HMGCS2: variants seen among roughly 807,000 people sequenced by gnomAD.
HMGCS2 encodes hydroxymethylglutaryl-CoA synthase, mitochondrial.
HMGCS2 carries 50 observed loss-of-function variants against 57.4 expected under a neutral mutation model. The observed-to-expected ratio is 0.87, with a 90% CI of 0.69 to 1.10. HMGCS2 has a LOEUF of 1.10. Among genes scored for constraint, HMGCS2 ranks in the 50% least tolerant of loss-of-function variants. The probability of loss-of-function intolerance (pLI) is 0.00; values close to 1 mark genes in which losing one functional copy is unlikely to be tolerated. For synonymous variants in HMGCS2, 254 were observed against 245.1 expected (o/e 1.04, Z -0.34); for missense variants, 627 against 636.5 (o/e 0.99, Z 0.16).
intron 9 of HMGCS2, 128 bp downstream of exon 9, chr1:119,750,669 C>T (rs1652624240): frequency 1.4e-6 from 1 of 705,768 alleles, no homozygotes; most frequent in Non-Finnish European, 2.6e-6. Flanking sequence ...CCCATTTCTC[C>T]TGTCACCCCA....
chr1:119,768,699 A>G, intron 1 of HMGCS2, 42 bp downstream of exon 1: 1 of 1,428,620 alleles, frequency 7.0e-7, no homozygotes. Context: ...GGGAAAAACT[A>G]TCTTTTACTA....
chr1:119,755,275 T>G, intron 6 of HMGCS2, 152 bp downstream of exon 6: 2 of 808,218 alleles, frequency 2.5e-6, no homozygotes, highest in Non-Finnish European at 4.2e-6. Flanking sequence ...CCCCAAATGC[T>G]GAGATTACAG....
intron 3 of HMGCS2, chr1:119,759,500 CT>C: frequency 1.7e-6 from 1 of 605,312 alleles, no homozygotes; most frequent in South Asian, 1.9e-5. Context: ...CCTACATGGG[CT>C]TAACAAAACC....
In HMGCS2 at chr1:119,768,801, G is replaced by C. The variant is rs1008466802; in HGVS notation, c.44C>G (p.Thr15Arg). The change falls in exon 1 of 10, where the codon ACA becomes AGA. Residue 15 changes from threonine to arginine, a missense_variant. Physicochemically the swap from Thr to Arg is moderately conservative, Grantham distance 71 (BLOSUM62 -1). Coordinates refer to ENST00000369406, the MANE Select transcript of HMGCS2 (RefSeq NM_005518.4). Reference sequence around the variant, plus strand: ...GAGGGAGGTTTCCTGCACCGCTCTTGTCAGTTGCAGAATGCGCTTCACTGG... The same window carrying C: ...GAGGGAGGTTTCCTGCACCGCTCTTCTCAGTTGCAGAATGCGCTTCACTGG... The part of the protein sequence containing the change: ...LTPVKRILQL[T>R]RAVQETSLTP... The C allele has an allele frequency of 3.1e-6, 5 of 1,613,988 alleles. No individual in the cohort carries two copies. Among genetic ancestry groups the C allele is most frequent in the Non-Finnish European group, 4.2e-6 (5 of 1,179,986 alleles).
chr1:119,764,777 T>C (rs1193608306), intron 1 of HMGCS2, 151 bp from the exon 2 acceptor site: 4 of 692,772 alleles, frequency 5.8e-6, no homozygotes, highest in African/African-American at 3.5e-5. Flanking sequence ...TATCTTTTCA[T>C]TGAATTGACC....
chr1:119,759,874 G>A lies in HMGCS2; in HGVS notation c.675C>T (p.Ala225=), dbSNP rs2101263677. Residue 225 remains alanine (A), a synonymous_variant, in exon 3 of 10, where the codon GCC becomes GCT. Coordinates refer to ENST00000369406, the MANE Select transcript of HMGCS2 (RefSeq NM_005518.4). ...AMLIGPKAPL[A]LERGLRGTHM... is the part of the protein sequence containing the mutation. Reference sequence around the variant, plus strand: ...TGGATTACTACAAACCTCGCTCCAGGGCCAGAGGGGCCTTGGGCCCAATCA... The same window carrying A: ...TGGATTACTACAAACCTCGCTCCAGAGCCAGAGGGGCCTTGGGCCCAATCA... 6.2e-7 allele frequency: 1 copy of A among 1,614,098 alleles called. No individual in the cohort carries two copies. The highest frequency in any genetic ancestry group is 8.5e-7 in the Non-Finnish European group (1 of 1,179,994).
chr1:119,764,558 G>T lies in HMGCS2; in HGVS notation c.173C>A (p.Ala58Asp). ...DTWPKDVGIL[A>D]LEVYFPAQYV... ...TTGGGCTGGGAAGTAGACCTCCAGG[G>T]CCAGGATGCCCACGTCCTTTGGCCA... Residue 58 changes from alanine (A) to aspartate (D), a missense_variant, in exon 2 of 10, where the codon GCC becomes GAC. Ala to Asp is a moderately radical substitution (Grantham distance 126). Coordinates refer to ENST00000369406, the MANE Select transcript of HMGCS2 (RefSeq NM_005518.4). The T allele has an allele frequency of 3.1e-6, 5 of 1,614,202 alleles. No individual in the cohort carries two copies. The highest frequency in any genetic ancestry group is 4.2e-6 in the Non-Finnish European group (5 of 1,180,028).
At chr1:119,758,102 T>C (rs1461160093) in intron 4 of HMGCS2, among the ~76,000 whole-genome samples, 1 of 152,268 alleles carries the variant, frequency 6.6e-6, no homozygotes, top group Non-Finnish European at 1.5e-5. Context: ...TAGCTCTTTA[T>C]GACACCCCCA....
At position 119,764,480 on chromosome 1, in the gene HMGCS2, T is replaced by C. The variant is rs1162910493; in HGVS notation, c.251A>G (p.Tyr84Cys). Residue 84 changes from tyrosine to cysteine, a missense_variant, in exon 2 of 10, where the codon TAT (tyrosine) becomes TGT (cysteine). Physicochemically the swap from Tyr to Cys is radical, Grantham distance 194 (BLOSUM62 -2). Transcript: ENST00000369406. ...ACGGGTCTGGCCCAAGCCCACTGTA[T>C]ACTTTCCTGCTTCCACATTGTTATA... Reference protein sequence around the residue: ...EKYNNVEAGKYTVGLGQTRMG... With the variant: ...EKYNNVEAGKCTVGLGQTRMG... The C allele has an allele frequency of 6.2e-7, 1 of 1,612,692 alleles. No individual in the cohort carries two copies. Among genetic ancestry groups the C allele is most frequent in the South Asian group, 1.1e-5 (1 of 91,072 alleles).
chr1:119,748,916 G>A (rs587663717), intron 9 of HMGCS2, 75 bp from the exon 10 acceptor site: 3 of 152,408 alleles, frequency 2.0e-5, no homozygotes, highest in Non-Finnish European at 2.9e-5. Context: ...CTTCTTGCCC[G>A]AGGTGTGGCT....
rs751683757 is a variant in HMGCS2 at position 119,757,424 on chromosome 1, G to A, written c.865C>T (p.Pro289Ser). Residue 289 changes from proline (P) to serine (S), a missense_variant, in exon 5 of 10, where the codon CCC (proline) becomes TCC (serine). By Grantham distance (74) the Pro-to-Ser change is moderately conservative. Coordinates refer to ENST00000369406, the MANE Select transcript of HMGCS2 (RefSeq NM_005518.4). ...TACTGTAAATCGTCAAGGGTGAAGGGTCGATCGCTGCCAGCTGGAAGAGGA... is the reference window on the plus strand; with the variant it reads ...TACTGTAAATCGTCAAGGGTGAAGGATCGATCGCTGCCAGCTGGAAGAGGA... ...NQWKQAGSDR[P>S]FTLDDLQYMI... 8 of 1,613,988 alleles carry A rather than the reference G, an allele frequency of 5.0e-6. No individual in the cohort carries two copies. The South Asian group carries it at 8.8e-5, about 18-fold the overall frequency.
intron 4 of HMGCS2, among the ~76,000 whole-genome samples, chr1:119,758,705 G>A (rs935968228): frequency 5.3e-5 from 8 of 152,166 alleles, no homozygotes; most frequent in African/African-American, 1.7e-4. Flanking sequence ...GAAAATATAG[G>A]TATGATTTCT....
At chr1:119,756,682 TCA>T (rs1454713000) in intron 5 of HMGCS2, among the ~76,000 whole-genome samples, 1 of 152,256 alleles carries the variant, frequency 6.6e-6, no homozygotes, top group Non-Finnish European at 1.5e-5. Context: ...TTCTGCTTTT[TCA>T]CATCTAAGGG....
At chr1:119,754,732 TA>T in intron 6 of HMGCS2, among the ~76,000 whole-genome samples, 1 of 152,286 alleles carries the variant, frequency 6.6e-6, no homozygotes, top group South Asian at 2.1e-4. Context: ...AATAATTGGT[TA>T]AAAAAATTTG....
Position 119,764,368 on chromosome 1 carries a change from C to T in HMGCS2, c.363G>A (p.Trp121Ter). The T allele has an allele frequency of 6.2e-7, 1 of 1,614,236 alleles. No homozygotes were observed. The highest frequency in any genetic ancestry group is 8.5e-7 in the Non-Finnish European group (1 of 1,180,048). ...CTACTTCCAGCCTGCCCACAGAGTC[C>T]CATGGGAGCTGTATGCGCTCCATCA... ...QRLMERIQLP[W>*]DSVGRLEVGT... The change falls in exon 2 of 10, where the codon TGG becomes TGA. Residue 121 changes from tryptophan (W) to a stop codon, truncating the protein, a stop_gained. Coordinates refer to ENST00000369406, the MANE Select transcript of HMGCS2 (RefSeq NM_005518.4). LOFTEE classifies it high-confidence loss of function.
At chr1:119,764,103 A>C (rs1314628731) in intron 2 of HMGCS2, 69 bp downstream of exon 2, 4 of 1,456,238 alleles carry the variant, frequency 2.7e-6, no homozygotes, top group Non-Finnish European at 3.8e-6. Flanking sequence ...GGAACTGAAA[A>C]GCAAAACTGG....
At chr1:119,760,064 C>T (rs1003316248) in intron 2 of HMGCS2, 75 bp from the exon 3 acceptor site, 2 of 1,381,336 alleles carry the variant, frequency 1.4e-6, no homozygotes, top group African/African-American at 2.9e-5. Context: ...GTGTACCAGG[C>T]ACAATTCTAG....
chr1:119,757,699 GT>G (rs1007641082), intron 4 of HMGCS2, among the ~76,000 whole-genome samples: 4 of 152,166 alleles, frequency 2.6e-5, no homozygotes, highest in African/African-American at 7.2e-5. Flanking sequence ...AATCAACCTT[GT>G]GTTATATAAT....
Position 119,768,739 on chromosome 1 carries a change from AC to A in HMGCS2, c.104+1del. On this transcript the variant is annotated splice_donor_variant, in intron 1 of 9. Transcript: ENST00000369406. LOFTEE classifies it high-confidence loss of function. ...CAAGGTGCTTCTCAGAAAGTGACTC[AC>A]CTTTGGTGGGCTACTGGGAGCAGGC... The A allele has an allele frequency of 6.2e-7, 1 of 1,607,766 alleles. No individual in the cohort carries two copies. The highest frequency in any genetic ancestry group is 8.5e-7 in the Non-Finnish European group (1 of 1,174,214).
Sources: allele counts gnomAD v4.1 joint callset (sites outside exome capture counted in the v4.1 genomes callset), GRCh38; gene constraint gnomAD v4.1.1; transcripts MANE v1.5; gene names NCBI Gene and HGNC (gene_info 2026-07-23, HGNC 2026-07-21).